ALMS1: variants seen among roughly 807,000 people sequenced by gnomAD.
ALMS1 encodes the protein centrosome-associated protein ALMS1.
A neutral mutation model predicts 352.2 loss-of-function variants in ALMS1; 271 were observed. That is an observed-to-expected ratio of 0.77 (90% CI 0.70 to 0.85). The LOEUF is 0.85. ALMS1 is among the 40% of genes least tolerant of loss of function. The probability of loss-of-function intolerance (pLI) is 0.00; values close to 1 mark genes in which losing one functional copy is unlikely to be tolerated. For missense variants in ALMS1, 5,445 were observed against 4,870.7 expected, an observed-to-expected ratio of 1.12 and a Z score of -3.51; for synonymous variants, 1,865 against 1,761.2, an observed-to-expected ratio of 1.06 and a Z score of -1.48.
intron 10 of ALMS1, among the ~76,000 whole-genome samples, chr2:73,504,587 A>G (rs1673282796): frequency 1.3e-5 from 2 of 152,344 alleles, no homozygotes; most frequent in Non-Finnish European, 1.5e-5. Context: ...CTGGAGATCC[A>G]TTCAACTTGT....
chr2:73,416,424 T>G (rs1009966533), intron 2 of ALMS1, among the ~76,000 whole-genome samples: 1 of 152,198 alleles, frequency 6.6e-6, no homozygotes, highest in African/African-American at 2.4e-5. Flanking sequence ...TCTCCACATT[T>G]TTTTCTTTGC....
At chr2:73,433,316 GATAGC>G (rs1671547787) in intron 7 of ALMS1, among the ~76,000 whole-genome samples, 1 of 152,196 alleles carries the variant, frequency 6.6e-6, no homozygotes, top group Non-Finnish European at 1.5e-5. Context: ...ATGGTAGAAG[GATAGC>G]AGTCAAAGAG....
intron 6 of ALMS1, among the ~76,000 whole-genome samples, chr2:73,428,284 T>C (rs1201230664): frequency 1.3e-5 from 2 of 152,174 alleles, no homozygotes; most frequent in African/African-American, 4.8e-5. Context: ...ATTTAGGAAC[T>C]TGCTCATAAT....
chr2:73,505,918 G>A (rs146166485), intron 10 of ALMS1, among the ~76,000 whole-genome samples: 2,467 of 152,196 alleles, frequency 0.016, 69 homozygotes, highest in African/African-American at 0.056. Context: ...GGTTTTTATG[G>A]TTTTAGGTCT....
At chr2:73,499,692 C>CA (rs1236522096) in intron 10 of ALMS1, among the ~76,000 whole-genome samples, 1 of 152,090 alleles carries the variant, frequency 6.6e-6, no homozygotes, top group African/African-American at 2.4e-5. Flanking sequence ...TTTGTCTCTT[C>CA]AAAATCTCAT....
At chr2:73,458,455 A>T (rs574336238) in intron 9 of ALMS1, 1 of 152,198 alleles carries the variant, frequency 6.6e-6, no homozygotes. Context: ...AGGACACACC[A>T]CTGAACAAAA....
intron 16 of ALMS1, among the ~76,000 whole-genome samples, chr2:73,583,891 A>G (rs1397340899): frequency 6.6e-6 from 1 of 152,120 alleles, no homozygotes; most frequent in African/African-American, 2.4e-5. Context: ...TCCTCTGGTA[A>G]TATGTTTTCA....
upstream of ALMS1, chr2:73,385,812 C>T: frequency 1.5e-6 from 1 of 679,970 alleles, no homozygotes; most frequent in Non-Finnish European, 2.7e-6. Context: ...GGGCTCTCCC[C>T]TTCCCCTCCC....
intron 15 of ALMS1, 23 bp from the exon 16 acceptor site, chr2:73,572,239 A>G (rs774881964): frequency 1.1e-5 from 18 of 1,595,946 alleles, no homozygotes; most frequent in Admixed American, 8.8e-5. Flanking sequence ...AGTTCTTTCA[A>G]AATCTTTTTT....
intron 10 of ALMS1, among the ~76,000 whole-genome samples, chr2:73,518,259 CCTCCAG>C (rs1673600943): frequency 6.6e-6 from 1 of 152,088 alleles, no homozygotes; most frequent in East Asian, 1.9e-4. Flanking sequence ...AGGATAATGA[CCTCCAG>C]CTCCATCCAT....
At chr2:73,464,016 A>G (rs567898582) in intron 9 of ALMS1, among the ~76,000 whole-genome samples, 1 of 152,230 alleles carries the variant, frequency 6.6e-6, no homozygotes, top group Non-Finnish European at 1.5e-5. Flanking sequence ...TACCAGAGGT[A>G]CAAAGAGGAG....
chr2:73,562,931 A>G (rs6735946), intron 15 of ALMS1, among the ~76,000 whole-genome samples: 46,283 of 151,874 alleles, frequency 0.3, 8,605 homozygotes, highest in African/African-American at 0.53. Context: ...AAGAGTTAAA[A>G]TTAAACTATA....
Position 73,490,389 on chromosome 2 carries a change from AC to A in ALMS1, c.8433del (p.Leu2812Ter). The stretch of plus-strand genomic sequence containing the variant: ...TTGAGCGTTCTTTTCAAGAAGAAAA[AC>A]CCTTAGAAAGATCAGATTTTACAGG... ...DFERSFQEEK[P>X]LERSDFTGSH... On this transcript the variant is annotated frameshift_variant, in exon 10 of 23. Transcript: ENST00000613296. LOFTEE classifies it high-confidence loss of function. The A allele has an allele frequency of 6.2e-7, 1 of 1,613,620 alleles. No homozygotes were observed. Among genetic ancestry groups the A allele is most frequent in the Non-Finnish European group, 8.5e-7 (1 of 1,179,876 alleles).
intron 9 of ALMS1, among the ~76,000 whole-genome samples, chr2:73,483,409 C>G (rs931959916): frequency 6.6e-6 from 1 of 151,624 alleles, no homozygotes; most frequent in Admixed American, 6.6e-5. Context: ...ATCTTGAGTT[C>G]TAGTTTGATT....
In ALMS1 at chr2:73,512,585, A is replaced by G. The variant is rs1572986326; in HGVS notation, c.9540-7190A>G. On this transcript the variant is annotated intron_variant, in intron 10 of 22. Transcript: ENST00000613296. ...TTACTGTTGAATTTAGAGAATCTTT[A>G]TATATTCTGGATACAAATTCTTTAT... 4.6e-5 allele frequency among the ~76,000 whole-genome samples: 7 copies of G among 152,108 alleles called. No individual in the cohort carries two copies. In the East Asian group the frequency reaches 1.4e-3, roughly 29 times the overall value.
intron 16 of ALMS1, among the ~76,000 whole-genome samples, chr2:73,584,667 G>A (rs1312263532): frequency 6.6e-6 from 1 of 152,136 alleles, no homozygotes; most frequent in Non-Finnish European, 1.5e-5. Flanking sequence ...GAGGGAACAG[G>A]TGGTTTTTGG....
At chr2:73,609,460 A>G in intron 22 of ALMS1, 108 bp from the exon 23 acceptor site, 3 of 1,038,976 alleles carry the variant, frequency 2.9e-6, no homozygotes, top group Non-Finnish European at 3.0e-6. Context: ...CAAGATTTGA[A>G]TAGGACCACA....
chr2:73,502,309 C>T (rs1049979173), intron 10 of ALMS1, among the ~76,000 whole-genome samples: 1 of 152,054 alleles, frequency 6.6e-6, no homozygotes, highest in Admixed American at 6.6e-5. Flanking sequence ...TTACTGGGAT[C>T]CTCAGGTATA....
Position 73,449,423 on chromosome 2 carries a change from C to T in ALMS1, c.2896C>T (p.Gln966Ter), listed in dbSNP as rs761177629. 1 of 1,614,044 alleles carries T rather than the reference C, an allele frequency of 6.2e-7. No homozygotes were observed. The highest frequency in any genetic ancestry group is 8.5e-7 in the Non-Finnish European group (1 of 1,179,978). Reference sequence around the variant, plus strand: ...TAGCGAGAAATCTAGTGTTTTCTACCAGCAAGAGTTGCCAGACAGTGATCT... The same window carrying T: ...TAGCGAGAAATCTAGTGTTTTCTACTAGCAAGAGTTGCCAGACAGTGATCT... Reference protein sequence around the residue: ...SHSEKSSVFYQQELPDSDLPR... With the variant: ...SHSEKSSVFY The change falls in exon 8 of 23, where the codon CAG becomes TAG. Residue 966 changes from glutamine to a stop codon, truncating the protein, a stop_gained. Coordinates refer to ENST00000613296, the MANE Select transcript of ALMS1 (RefSeq NM_001378454.1). LOFTEE classifies it high-confidence loss of function.
Sources: allele counts gnomAD v4.1 joint callset (sites outside exome capture counted in the v4.1 genomes callset), GRCh38; gene constraint gnomAD v4.1.1; transcripts MANE v1.5; gene names NCBI Gene and HGNC (gene_info 2026-07-23, HGNC 2026-07-21).